Variants in OCRL observed in about 807,000 individuals in gnomAD.
OCRL encodes inositol polyphosphate 5-phosphatase OCRL.
Under a neutral mutation model 78.9 loss-of-function variants are expected in OCRL, and 8 were observed. That is an observed-to-expected ratio of 0.10 (90% CI 0.06 to 0.18). The LOEUF is 0.18. Ranked by LOEUF, OCRL falls within the 10% of genes least tolerant of loss-of-function variation. The probability of loss-of-function intolerance (pLI) is 1.00; values close to 1 mark genes in which losing one functional copy is unlikely to be tolerated. For synonymous variants in OCRL, 240 were observed against 235.4 expected, an observed-to-expected ratio of 1.02 and a Z score of -0.18; for missense variants, 454 against 696.7, an observed-to-expected ratio of 0.65 and a Z score of 3.92.
chrX:129,544,276 C>T (rs1211833793), intron 2 of OCRL, among the ~76,000 whole-genome samples: 4 of 111,097 alleles, frequency 3.6e-5, no homozygotes, highest in Non-Finnish European at 5.7e-5. Context: ...GTATGGATTT[C>T]ATCTGGGGAG....
chrX:129,542,539 C>T (rs1935823165), intron 2 of OCRL, among the ~76,000 whole-genome samples: 1 of 107,726 alleles, frequency 9.3e-6, no homozygotes, highest in Admixed American at 9.7e-5. Flanking sequence ...GCTTATGTGC[C>T]AGGTACTGTT....
At position 129,540,277 on chromosome X, in the gene OCRL, T is replaced by C. The variant is rs1363955487; in HGVS notation, c.-163T>C. 4 of 567,617 alleles carry C rather than the reference T, an allele frequency of 7.0e-6. No homozygotes were observed. Among genetic ancestry groups the C allele is most frequent in the Non-Finnish European group, 1.1e-5 (4 of 349,383 alleles). The allele number at this position is 567,617 out of a possible 1,213,427, so 46.8% of individuals were successfully genotyped here. ...CGCCGCTCTCTCTTGGGTCAGATTC[T>C]CAGCTCCCAGCTCCCCGCTCCCGGC... On this transcript the variant is annotated 5_prime_UTR_variant, in exon 1 of 24. Coordinates refer to ENST00000371113, the MANE Select transcript of OCRL (RefSeq NM_000276.4).
chrX:129,564,680 A>G (rs1480353133), intron 12 of OCRL, among the ~76,000 whole-genome samples: 1 of 107,144 alleles, frequency 9.3e-6, no homozygotes, highest in Non-Finnish European at 1.9e-5. Context: ...ATGAGAACAC[A>G]TGGACACAGG....
intron 1 of OCRL, 82 bp from the exon 2 acceptor site, chrX:129,540,662 G>T (rs867830020): frequency 2.2e-5 from 18 of 806,061 alleles, no homozygotes; most frequent in Admixed American, 1.4e-4. Flanking sequence ...GGTGGGGGGG[G>T]GGTGGAAGAC....
chrX:129,592,266 A>C lies in OCRL; in HGVS notation c.*1996A>C, dbSNP rs1936599276. ...CCAGCACCCCAACCTGTAATTGCCA[A>C]GTCCTCTAAGGTACTAATTTGTAGC... On this transcript the variant is annotated 3_prime_UTR_variant, in exon 24 of 24. Coordinates refer to ENST00000371113, the MANE Select transcript of OCRL (RefSeq NM_000276.4). The C allele has an allele frequency of 8.8e-6, 1 of 113,668 alleles. No individual in the cohort carries two copies. The highest frequency in any genetic ancestry group is 1.9e-5 in the Non-Finnish European group (1 of 53,293). The allele number at this position is 113,668 out of a possible 1,213,427, so 9.4% of individuals were successfully genotyped here.
In OCRL at chrX:129,562,745, C is replaced by A; in HGVS notation, c.1203C>A (p.Val401=). 2.5e-6 allele frequency: 3 copies of A among 1,211,194 alleles called. No individual in the cohort carries two copies. The highest frequency in any genetic ancestry group is 3.4e-6 in the Non-Finnish European group (3 of 895,236). Residue 401 remains valine (V), a synonymous_variant, in exon 12 of 24, where the codon GTC becomes GTA. Coordinates refer to ENST00000371113, the MANE Select transcript of OCRL (RefSeq NM_000276.4). ...TTTGTGCGAGAATGAGTTTTGTGGT[C>A]CCAAATCAGACCCTCCCGCAGTTGA... is the stretch of plus-strand genomic sequence containing the variant. ...KDICARMSFV[V]PNQTLPQLNI... is the part of the protein sequence containing the mutation.
chrX:129,568,008 G>A (rs1936242969), intron 14 of OCRL, among the ~76,000 whole-genome samples: 1 of 108,879 alleles, frequency 9.2e-6, no homozygotes, highest in Non-Finnish European at 1.9e-5. Context: ...CCGCTTCCCG[G>A]GTTCACGCCA....
chrX:129,567,149 G>A (rs1936227014), intron 13 of OCRL, 105 bp from the exon 14 acceptor site: 3 of 559,963 alleles, frequency 5.4e-6, no homozygotes, highest in African/African-American at 4.5e-5. Context: ...TGTAAAGGTT[G>A]TGGAACTAGA....
intron 14 of OCRL, among the ~76,000 whole-genome samples, chrX:129,567,800 T>C (rs1036506866): frequency 2.7e-5 from 3 of 111,765 alleles, no homozygotes; most frequent in Admixed American, 9.4e-5. Context: ...TCTCAATCCT[T>C]AAAAGACTTT....
intron 4 of OCRL, among the ~76,000 whole-genome samples, chrX:129,550,846 A>C: frequency 9.0e-6 from 1 of 110,794 alleles, no homozygotes; most frequent in Non-Finnish European, 1.9e-5. Context: ...GTGGTAAATG[A>C]TGATGTTTCT....
intron 15 of OCRL, among the ~76,000 whole-genome samples, chrX:129,571,560 C>T (rs1176327128): frequency 9.2e-6 from 1 of 109,125 alleles, no homozygotes; most frequent in Non-Finnish European, 1.9e-5. Flanking sequence ...TCTCGATCTC[C>T]TGACCTTGTG....
chrX:129,579,020 G>A (rs754243054), intron 18 of OCRL, among the ~76,000 whole-genome samples: 2 of 111,277 alleles, frequency 1.8e-5, no homozygotes, highest in Non-Finnish European at 3.8e-5. Context: ...GACCAAAAGT[G>A]TTTCAGATTT....
At chrX:129,578,716 G>A (rs1004888280) in intron 18 of OCRL, among the ~76,000 whole-genome samples, 2 of 110,953 alleles carry the variant, frequency 1.8e-5, no homozygotes, top group South Asian at 7.6e-4. Context: ...TGAACAGAAA[G>A]GAACCAAAAT....
At chrX:129,585,809 A>G (rs1252531265) in intron 19 of OCRL, among the ~76,000 whole-genome samples, 1 of 112,203 alleles carries the variant, frequency 8.9e-6, no homozygotes, top group Non-Finnish European at 1.9e-5. Flanking sequence ...AGTGCTTGTT[A>G]AAGAACACAA....
At chrX:129,575,788 G>A in intron 16 of OCRL, 109 bp from the exon 17 acceptor site, 1 of 923,350 alleles carries the variant, frequency 1.1e-6, no homozygotes, top group Non-Finnish European at 1.6e-6. Flanking sequence ...TATGGCATTT[G>A]CACACCTGCT....
At chrX:129,572,326 G>A (rs1237423428) in intron 15 of OCRL, among the ~76,000 whole-genome samples, 1 of 111,407 alleles carries the variant, frequency 9.0e-6, no homozygotes, top group Non-Finnish European at 1.9e-5. Flanking sequence ...CTAGCTCATT[G>A]TACTTTTTTT....
chrX:129,547,076 A>G (rs1935888646), intron 3 of OCRL, among the ~76,000 whole-genome samples: 1 of 110,794 alleles, frequency 9.0e-6, no homozygotes, highest in African/African-American at 3.3e-5. Flanking sequence ...TTAAAAAAAC[A>G]ACATTTGCCA....
chrX:129,558,020 TATG>T, intron 6 of OCRL, 70 bp downstream of exon 6: 1 of 667,141 alleles, frequency 1.5e-6, no homozygotes, highest in Non-Finnish European at 2.5e-6. Context: ...TCAGGCCAAA[TATG>T]GTGATGTAGA....
chrX:129,560,495 T>G, intron 8 of OCRL, 55 bp from the exon 9 acceptor site: 1 of 790,793 alleles, frequency 1.3e-6, no homozygotes, highest in Non-Finnish European at 1.9e-6. Flanking sequence ...AAAGAACTTC[T>G]GTTGGTTTAT....
Sources: allele counts gnomAD v4.1 joint callset (sites outside exome capture counted in the v4.1 genomes callset), GRCh38; gene constraint gnomAD v4.1.1; transcripts MANE v1.5; gene names NCBI Gene and HGNC (gene_info 2026-07-23, HGNC 2026-07-21).